ADGRB3: variants seen among roughly 807,000 people sequenced by gnomAD.
ADGRB3 encodes the protein brain-specific angiogenesis inhibitor 3.
ADGRB3 carries 37 observed loss-of-function variants against 193.4 expected under a neutral mutation model. That is an observed-to-expected ratio of 0.19 (90% CI 0.15 to 0.25). The LOEUF is 0.25. Among genes scored for constraint, ADGRB3 ranks in the 10% least tolerant of loss-of-function variants. The probability of loss-of-function intolerance (pLI) is 1.00; values close to 1 mark genes in which losing one functional copy is unlikely to be tolerated. For missense variants in ADGRB3, 1,637 were observed against 1,852.9 expected, an observed-to-expected ratio of 0.88 and a Z score of 2.14; for synonymous variants, 690 against 644.2, an observed-to-expected ratio of 1.07 and a Z score of -1.08.
chr6:68,956,663 A>G lies in ADGRB3; in HGVS notation c.1379A>G (p.Gln460Arg). The change falls in exon 8 of 32, where the codon CAG (glutamine) becomes CGG (arginine). Residue 460 changes from glutamine (Q) to arginine (R), a missense_variant. By Grantham distance (43) the Gln-to-Arg change is conservative (BLOSUM62 1). Coordinates refer to ENST00000370598, the MANE Select transcript of ADGRB3 (RefSeq NM_001704.3). ...CTTTCAGCCAATGGTCAATGGAATCAGTGGGGTCATTGGAGTGGTTGTTCC... is the reference window on the plus strand; with the variant it reads ...CTTTCAGCCAATGGTCAATGGAATCGGTGGGGTCATTGGAGTGGTTGTTCC... ...PECTANGQWN[Q>R]WGHWSGCSKS... is the part of the protein sequence containing the mutation. 6.2e-7 allele frequency: 1 copy of G among 1,614,046 alleles called. No homozygotes were observed. The highest frequency in any genetic ancestry group is 8.5e-7 in the Non-Finnish European group (1 of 1,179,968).
At chr6:68,883,957 G>A (rs1372688763) in intron 3 of ADGRB3, among the ~76,000 whole-genome samples, 2 of 152,158 alleles carry the variant, frequency 1.3e-5, no homozygotes, top group Non-Finnish European at 2.9e-5. Flanking sequence ...CAAGGTTGCT[G>A]TCCTGTCAAT....
At chr6:69,105,547 C>T (rs1055399223) in intron 17 of ADGRB3, among the ~76,000 whole-genome samples, 2 of 152,154 alleles carry the variant, frequency 1.3e-5, no homozygotes, top group Non-Finnish European at 2.9e-5. Flanking sequence ...CTAGTCCAAG[C>T]TCATAATTTA....
chr6:69,139,209 T>A (rs769765156), intron 17 of ADGRB3, among the ~76,000 whole-genome samples: 2 of 152,200 alleles, frequency 1.3e-5, no homozygotes, highest in Non-Finnish European at 2.9e-5. Context: ...GTGCTGCTAA[T>A]CTCAGCTCAC....
chr6:69,147,797 A>G (rs948107048), intron 17 of ADGRB3, among the ~76,000 whole-genome samples: 2 of 152,166 alleles, frequency 1.3e-5, no homozygotes, highest in Non-Finnish European at 2.9e-5. Flanking sequence ...AGCTCTAATA[A>G]TATTTGTTTT....
intron 24 of ADGRB3, among the ~76,000 whole-genome samples, chr6:69,334,172 C>A (rs1284063897): frequency 6.6e-6 from 1 of 151,782 alleles, no homozygotes; most frequent in Admixed American, 6.6e-5. Flanking sequence ...AAGTTTACAG[C>A]TTTCTCCTTT....
At chr6:68,918,670 C>T (rs2150241103) in intron 3 of ADGRB3, among the ~76,000 whole-genome samples, 1 of 152,250 alleles carries the variant, frequency 6.6e-6, no homozygotes, top group East Asian at 1.9e-4. Flanking sequence ...GCAGGGGTTG[C>T]ATACATTTCT....
At chr6:68,903,868 C>T (rs1316077122) in intron 3 of ADGRB3, among the ~76,000 whole-genome samples, 3 of 151,256 alleles carry the variant, frequency 2.0e-5, no homozygotes, top group Non-Finnish European at 4.4e-5. Flanking sequence ...TGAGGTGGTG[C>T]ATGCCCATAA....
intron 3 of ADGRB3, among the ~76,000 whole-genome samples, chr6:68,816,449 A>C (rs1452726066): frequency 6.6e-6 from 1 of 151,988 alleles, no homozygotes; most frequent in African/African-American, 2.4e-5. Context: ...TATTAATGAC[A>C]ACTAGATTAA....
chr6:69,182,341 A>G (rs1239626876), intron 17 of ADGRB3, among the ~76,000 whole-genome samples: 1 of 151,804 alleles, frequency 6.6e-6, no homozygotes, highest in Non-Finnish European at 1.5e-5. Flanking sequence ...GTAATCAAAC[A>G]CCACTTGTTC....
intron 17 of ADGRB3, among the ~76,000 whole-genome samples, chr6:69,176,358 T>C (rs1304974795): frequency 6.6e-6 from 1 of 152,226 alleles, no homozygotes; most frequent in Non-Finnish European, 1.5e-5. Context: ...GGATGTTAGA[T>C]TTTATCAAGA....
intron 3 of ADGRB3, among the ~76,000 whole-genome samples, chr6:68,668,442 G>T (rs192323878): frequency 2.9e-4 from 44 of 152,012 alleles, no homozygotes; most frequent in African/African-American, 9.9e-4. Flanking sequence ...GCTATAATCA[G>T]CACAAGTTCT....
In ADGRB3 at chr6:68,962,737, A is replaced by G. The variant is rs1306917251; in HGVS notation, c.1525+5928A>G. ...ATTAAGAGATTTAAAATTACTTTTA[A>G]ACCTTTTTTGAGCTTAATGTTTACC... is the stretch of plus-strand genomic sequence containing the variant. On this transcript the variant is annotated intron_variant, in intron 8 of 31. Coordinates refer to ENST00000370598, the MANE Select transcript of ADGRB3 (RefSeq NM_001704.3). Among the ~76,000 whole-genome samples the G allele has an allele frequency of 3.9e-5, 6 of 152,042 alleles. No homozygotes were observed. In the East Asian group the frequency reaches 7.7e-4, roughly 20 times the overall value.
chr6:69,161,807 G>A (rs1774994016), intron 17 of ADGRB3, among the ~76,000 whole-genome samples: 1 of 152,010 alleles, frequency 6.6e-6, no homozygotes, highest in African/African-American at 2.4e-5. Context: ...GTTATTTACT[G>A]GCTGTTAACT....
intron 17 of ADGRB3, among the ~76,000 whole-genome samples, chr6:69,163,870 A>G (rs1775061686): frequency 6.6e-6 from 1 of 152,092 alleles, no homozygotes. Context: ...TTCAGAGTAG[A>G]TCCTTCAGGT....
At chr6:69,334,269 T>C (rs1768794832) in intron 24 of ADGRB3, among the ~76,000 whole-genome samples, 1 of 152,168 alleles carries the variant, frequency 6.6e-6, no homozygotes, top group Admixed American at 6.5e-5. Flanking sequence ...GTCCTACTAA[T>C]TGATCAGTTA....
At chr6:68,643,183 C>T (rs993991962) in intron 3 of ADGRB3, among the ~76,000 whole-genome samples, 2 of 152,158 alleles carry the variant, frequency 1.3e-5, no homozygotes, top group Admixed American at 6.5e-5. Flanking sequence ...CACACACACT[C>T]ATTTGTCTTT....
chr6:69,372,387 T>C lies in ADGRB3; in HGVS notation c.4240-19T>C. ...ACTTTATTGGTTTTTCTCCTTCTTT[T>C]TAAAAATATATCTTACAGAGAAGAA... is the stretch of plus-strand genomic sequence containing the variant. On this transcript the variant is annotated intron_variant, in intron 29 of 31. Coordinates refer to ENST00000370598, the MANE Select transcript of ADGRB3 (RefSeq NM_001704.3). 7.6e-7 allele frequency: 1 copy of C among 1,319,416 alleles called. No individual in the cohort carries two copies. The highest frequency in any genetic ancestry group is 1.0e-6 in the Non-Finnish European group (1 of 965,648). The allele number at this position is 1,319,416 out of a possible 1,614,324, so 81.7% of individuals were successfully genotyped here.
In ADGRB3 at chr6:69,008,781, A is replaced by G. The variant is rs184663340; in HGVS notation, c.1930-5257A>G. Among the ~76,000 whole-genome samples, 12 of 152,244 alleles carry G rather than the reference A, an allele frequency of 7.9e-5. No individual in the cohort carries two copies. In the East Asian group the frequency reaches 2.1e-3, roughly 27 times the overall value. On this transcript the variant is annotated intron_variant, in intron 11 of 31. Transcript: ENST00000370598. The stretch of plus-strand genomic sequence containing the variant: ...CACAGCTGCTTCCTGTAGTCCTACA[A>G]CTTCTCAAAAGTATGTATTTGTGCT...
chr6:69,199,242 A>G (rs1268533075), intron 17 of ADGRB3, among the ~76,000 whole-genome samples: 1 of 152,136 alleles, frequency 6.6e-6, no homozygotes, highest in Non-Finnish European at 1.5e-5. Context: ...AAAGCTTTTC[A>G]ATAGACCAAC....
Sources: allele counts gnomAD v4.1 joint callset (sites outside exome capture counted in the v4.1 genomes callset), GRCh38; gene constraint gnomAD v4.1.1; transcripts MANE v1.5; gene names NCBI Gene and HGNC (gene_info 2026-07-23, HGNC 2026-07-21).